EYS: variants seen among roughly 807,000 people sequenced by gnomAD.
The protein encoded by EYS is protein eyes shut homolog.
In EYS, 250 loss-of-function variants were observed where a neutral mutation model predicts 282.1. The observed-to-expected ratio is 0.89, with a 90% CI of 0.80 to 0.98. The LOEUF (loss-of-function observed/expected upper bound fraction) is 0.98, where lower values mean the gene tolerates loss of function less well. EYS is among the 50% of genes least tolerant of loss of function. The probability of loss-of-function intolerance (pLI) is 0.00; values close to 1 mark genes in which losing one functional copy is unlikely to be tolerated. For missense variants in EYS, 4,016 were observed against 3,709.0 expected, an observed-to-expected ratio of 1.08 and a Z score of -2.15; for synonymous variants, 1,355 against 1,282.9, an observed-to-expected ratio of 1.06 and a Z score of -1.20.
At chr6:65,380,923 A>C (rs914162044) in intron 8 of EYS, among the ~76,000 whole-genome samples, 4 of 152,200 alleles carry the variant, frequency 2.6e-5, no homozygotes, top group African/African-American at 9.6e-5. Context: ...ACGAGATACC[A>C]TCTCATGCCA....
intron 30 of EYS, among the ~76,000 whole-genome samples, chr6:64,257,790 T>A (rs1357163861): frequency 6.6e-6 from 1 of 151,846 alleles, no homozygotes; most frequent in Non-Finnish European, 1.5e-5. Flanking sequence ...ATGATGATGA[T>A]GATGATGATG....
chr6:64,906,941 CAT>C (rs1767846748), intron 16 of EYS, among the ~76,000 whole-genome samples: 1 of 152,174 alleles, frequency 6.6e-6, no homozygotes, highest in East Asian at 1.9e-4. Flanking sequence ...TAGACACACA[CAT>C]GGTAACATAA....
At chr6:65,048,917 G>A (rs1002881174) in intron 13 of EYS, among the ~76,000 whole-genome samples, 14 of 151,594 alleles carry the variant, frequency 9.2e-5, no homozygotes, top group Non-Finnish European at 2.9e-5. Context: ...CTCTACAATA[G>A]ACCACAGCTT....
chr6:64,507,697 A>G (rs1451881079), intron 26 of EYS, among the ~76,000 whole-genome samples: 1 of 152,140 alleles, frequency 6.6e-6, no homozygotes, highest in Non-Finnish European at 1.5e-5. Flanking sequence ...GGAAAAACAA[A>G]TATTTGGAAA....
At chr6:65,071,194 G>A (rs1457203522) in intron 12 of EYS, among the ~76,000 whole-genome samples, 1 of 151,438 alleles carries the variant, frequency 6.6e-6, no homozygotes, top group Admixed American at 6.6e-5. Context: ...TTAAAAAATT[G>A]CAGAAAAATG....
At chr6:63,781,670 A>G (rs1022810104) in intron 39 of EYS, among the ~76,000 whole-genome samples, 1 of 152,226 alleles carries the variant, frequency 6.6e-6, no homozygotes, top group Non-Finnish European at 1.5e-5. Flanking sequence ...GGGGTTTTCT[A>G]AATATACAAT....
At chr6:64,445,905 G>A (rs1367978192) in intron 26 of EYS, among the ~76,000 whole-genome samples, 1 of 151,944 alleles carries the variant, frequency 6.6e-6, no homozygotes, top group Non-Finnish European at 1.5e-5. Context: ...GGCAAAACTG[G>A]TATTCTGTTA....
At chr6:64,086,350 A>G (rs1208036550) in intron 31 of EYS, among the ~76,000 whole-genome samples, 1 of 152,124 alleles carries the variant, frequency 6.6e-6, no homozygotes, top group Non-Finnish European at 1.5e-5. Flanking sequence ...TCCTTCCTAC[A>G]GTGTCTATTA....
intron 35 of EYS, among the ~76,000 whole-genome samples, chr6:63,871,615 T>A (rs1772807270): frequency 6.6e-6 from 1 of 152,026 alleles, no homozygotes; most frequent in Admixed American, 6.6e-5. Flanking sequence ...TGAGCCGAGA[T>A]CATGCCACTG....
At chr6:63,864,460 A>T in intron 35 of EYS, 102 bp from the exon 36 acceptor site, 1 of 755,976 alleles carries the variant, frequency 1.3e-6, no homozygotes, top group Non-Finnish European at 1.9e-6. Flanking sequence ...AAATAAAATT[A>T]TAATTGCATC....
At chr6:65,575,579 G>T (rs1225682839) in intron 2 of EYS, among the ~76,000 whole-genome samples, 1 of 151,628 alleles carries the variant, frequency 6.6e-6, no homozygotes, top group Non-Finnish European at 1.5e-5. Flanking sequence ...TAGCATGAAT[G>T]ATATAATAAA....
At chr6:63,891,864 A>G (rs538467544) in intron 35 of EYS, among the ~76,000 whole-genome samples, 3 of 152,366 alleles carry the variant, frequency 2.0e-5, no homozygotes, top group African/African-American at 7.2e-5. Context: ...CCTTAAGCTG[A>G]TAAGCAACTT....
intron 28 of EYS, among the ~76,000 whole-genome samples, chr6:64,395,744 T>C (rs1463369087): frequency 4.0e-5 from 6 of 149,640 alleles, no homozygotes; most frequent in Non-Finnish European, 8.9e-5. Context: ...GTAACTAACC[T>C]GCACAATGTG....
chr6:65,326,137 G>C (rs1769612024), intron 11 of EYS, among the ~76,000 whole-genome samples: 1 of 151,930 alleles, frequency 6.6e-6, no homozygotes, highest in African/African-American at 2.4e-5. Flanking sequence ...CCAGATGCTT[G>C]AATGTTTTTG....
chr6:65,351,081 T>C (rs1764255426), intron 9 of EYS, among the ~76,000 whole-genome samples: 1 of 151,808 alleles, frequency 6.6e-6, no homozygotes, highest in Non-Finnish European at 1.5e-5. Context: ...TGTATAATTC[T>C]ATTTACATAT....
chr6:65,499,238 A>G (rs1256767854), intron 2 of EYS, among the ~76,000 whole-genome samples: 3 of 152,066 alleles, frequency 2.0e-5, no homozygotes, highest in Non-Finnish European at 4.4e-5. Flanking sequence ...CTTAAATTAC[A>G]TCTTTTAAAA....
intron 12 of EYS, among the ~76,000 whole-genome samples, chr6:65,171,273 C>T (rs115713696): frequency 0.016 from 2,402 of 151,562 alleles, 34 homozygotes; most frequent in African/African-American, 0.042. Context: ...AATTTATATC[C>T]TTTCTTTTTC....
intron 28 of EYS, among the ~76,000 whole-genome samples, chr6:64,392,205 T>G (rs1407542142): frequency 6.7e-6 from 1 of 149,732 alleles, no homozygotes; most frequent in Non-Finnish European, 1.5e-5. Flanking sequence ...CTGTCAACAT[T>G]AGACAGATCA....
intron 2 of EYS, among the ~76,000 whole-genome samples, chr6:65,637,590 C>T (rs1232953408): frequency 6.6e-6 from 1 of 152,208 alleles, no homozygotes; most frequent in Non-Finnish European, 1.5e-5. Flanking sequence ...CTTGGGGGCC[C>T]AGGAAGCTAC....
Sources: allele counts gnomAD v4.1 joint callset (sites outside exome capture counted in the v4.1 genomes callset), GRCh38; gene constraint gnomAD v4.1.1; transcripts MANE v1.5; gene names NCBI Gene and HGNC (gene_info 2026-07-23, HGNC 2026-07-21).